CRK: variants seen among roughly 807,000 people sequenced by gnomAD.
CRK encodes the protein adapter molecule crk.
Under a neutral mutation model 29.8 loss-of-function variants are expected in CRK, and 4 were observed. The ratio of observed to expected loss-of-function variants is 0.13; its 90% CI spans 0.07 to 0.31. The LOEUF is 0.31. Ranked by LOEUF, CRK falls within the 10% of genes least tolerant of loss-of-function variation. CRK has a pLI of 1.00. For missense variants in CRK, 274 were observed against 396.5 expected, an observed-to-expected ratio of 0.69 and a Z score of 2.62; for synonymous variants, 153 against 164.9, an observed-to-expected ratio of 0.93 and a Z score of 0.55.
At chr17:1,450,074 T>A (rs1046481542) in intron 1 of CRK, among the ~76,000 whole-genome samples, 1 of 152,142 alleles carries the variant, frequency 6.6e-6, no homozygotes, top group South Asian at 2.1e-4. Context: ...TGGTGGCGCA[T>A]GCCTGTAATC....
intron 2 of CRK, chr17:1,424,731 C>G (rs962669428): frequency 6.6e-6 from 1 of 152,264 alleles, no homozygotes; most frequent in African/African-American, 2.4e-5. Flanking sequence ...CAACCATGGC[C>G]GGGCGCAGTG....
chr17:1,423,169 A>T lies in CRK; in HGVS notation c.*344T>A. ...CAAAACCACTGAATAAATCAGGGTA[A>T]GCAGTGTGTAACACTCCTTCCTGTC... On this transcript the variant is annotated 3_prime_UTR_variant, in exon 3 of 3. Transcript: ENST00000300574. The T allele has an allele frequency of 2.2e-6, 1 of 459,406 alleles. No individual in the cohort carries two copies. The allele number at this position is 459,406 out of a possible 1,614,324, so 28.5% of individuals were successfully genotyped here. A position where few individuals can be genotyped will look rare whatever the true frequency, so the allele number is the denominator to read the frequency against.
chr17:1,423,299 A>G lies in CRK; in HGVS notation c.*214T>C, dbSNP rs1258147912. 8.0e-6 allele frequency: 5 copies of G among 626,096 alleles called. No homozygotes were observed. Among genetic ancestry groups the G allele is most frequent in the African/African-American group, 5.6e-5 (3 of 53,674 alleles). 38.8% of individuals were successfully genotyped at this position (626,096 alleles called of 1,614,324 possible). On this transcript the variant is annotated 3_prime_UTR_variant, in exon 3 of 3. Coordinates refer to ENST00000300574, the MANE Select transcript of CRK (RefSeq NM_016823.4). ...CGACCACTACCGCCTCCAATTGCCA[A>G]TTCAGAAGCTAACACACAAGCCCTC...
At chr17:1,439,348 C>T (rs1051939828) in intron 1 of CRK, among the ~76,000 whole-genome samples, 3 of 152,206 alleles carry the variant, frequency 2.0e-5, no homozygotes, top group Non-Finnish European at 2.9e-5. Flanking sequence ...CCACCCGCCT[C>T]GGCCTCCCAA....
intron 1 of CRK, among the ~76,000 whole-genome samples, chr17:1,437,763 C>T (rs1006793023): frequency 6.6e-6 from 1 of 151,798 alleles, no homozygotes; most frequent in Non-Finnish European, 1.5e-5. Context: ...AAGCGATTCT[C>T]CCGTCTCAGC....
At chr17:1,446,871 G>A (rs963856834) in intron 1 of CRK, among the ~76,000 whole-genome samples, 3 of 152,158 alleles carry the variant, frequency 2.0e-5, no homozygotes, top group African/African-American at 7.2e-5. Flanking sequence ...GGGATTACAG[G>A]CGTGAGCCAC....
Position 1,421,538 on chromosome 17 carries a change from G to A in CRK, c.*1975C>T, listed in dbSNP as rs2073724354. The A allele has an allele frequency of 6.6e-6, 1 of 152,148 alleles. No homozygotes were observed. The highest frequency in any genetic ancestry group is 1.5e-5 in the Non-Finnish European group (1 of 68,040). The allele number at this position is 152,148 out of a possible 1,614,324, so 9.4% of individuals were successfully genotyped here. Reference sequence around the variant, plus strand: ...TACCATTTTACAAGTTGAGTTTAACGTCTTTATCAAGCATGACCTTAGTGT... The same window carrying A: ...TACCATTTTACAAGTTGAGTTTAACATCTTTATCAAGCATGACCTTAGTGT... On this transcript the variant is annotated 3_prime_UTR_variant, in exon 3 of 3. Coordinates refer to ENST00000300574, the MANE Select transcript of CRK (RefSeq NM_016823.4).
chr17:1,423,774 T>C, intron 2 of CRK, 124 bp from the exon 3 acceptor site: 1 of 1,219,616 alleles, frequency 8.2e-7, no homozygotes, highest in Non-Finnish European at 1.1e-6. Context: ...GAAATGGCCA[T>C]TTGCTGCCTC....
At position 1,450,335 on chromosome 17, in the gene CRK, C is replaced by CG. The variant is rs542438577; in HGVS notation, c.241+5541_241+5542insC. On this transcript the variant is annotated intron_variant, in intron 1 of 2. Coordinates refer to ENST00000300574, the MANE Select transcript of CRK (RefSeq NM_016823.4). ...CATCCTGGCTAACACGGTGAAACAC[C>CG]TCTCTACTAAAAATACAAAAAATTA... Among the ~76,000 whole-genome samples, 14 of 151,966 alleles carry CG rather than the reference C, an allele frequency of 9.2e-5. No individual in the cohort carries two copies. The South Asian group carries it at 1.5e-3, about 16-fold the overall frequency.
intron 2 of CRK, among the ~76,000 whole-genome samples, chr17:1,432,240 G>T (rs1037871862): frequency 3.9e-5 from 6 of 152,170 alleles, no homozygotes; most frequent in Admixed American, 3.3e-4. Flanking sequence ...TATAATCCCA[G>T]CACTTTGGGA....
intron 1 of CRK, among the ~76,000 whole-genome samples, chr17:1,437,714 C>T (rs1458830885): frequency 5.9e-5 from 9 of 151,434 alleles, no homozygotes; most frequent in Non-Finnish European, 8.8e-5. Flanking sequence ...AGTGTAGTGG[C>T]GTGATCTCTG....
rs1228292349 is a variant in CRK, at chr17:1,420,965, A to G, written c.*2548T>C. The G allele has an allele frequency of 6.6e-6, 1 of 152,194 alleles. No individual in the cohort carries two copies. The highest frequency in any genetic ancestry group is 1.5e-5 in the Non-Finnish European group (1 of 68,036). The allele number at this position is 152,194 out of a possible 1,614,324, so 9.4% of individuals were successfully genotyped here. A position where few individuals can be genotyped will look rare whatever the true frequency, so the allele number is the denominator to read the frequency against. On this transcript the variant is annotated 3_prime_UTR_variant, in exon 3 of 3. Coordinates refer to ENST00000300574, the MANE Select transcript of CRK (RefSeq NM_016823.4). The stretch of plus-strand genomic sequence containing the variant: ...TATTAACAATAAACAATTCCAACAA[A>G]TTAATAAGAATTAACCATGTCAAAT...
intron 2 of CRK, among the ~76,000 whole-genome samples, chr17:1,427,549 C>T (rs1335274179): frequency 2.6e-5 from 4 of 151,100 alleles, no homozygotes; most frequent in Admixed American, 2.0e-4. Flanking sequence ...GCCGAGATCA[C>T]GCCACTGCAC....
chr17:1,420,849 AT>A lies in CRK; in HGVS notation c.*2663del, dbSNP rs1277487249. The A allele has an allele frequency of 2.0e-5, 3 of 152,144 alleles. No individual in the cohort carries two copies. The highest frequency in any genetic ancestry group is 7.2e-5 in the African/African-American group (3 of 41,448). 9.4% of individuals were successfully genotyped at this position (152,144 alleles called of 1,614,324 possible). On this transcript the variant is annotated 3_prime_UTR_variant, in exon 3 of 3. Transcript: ENST00000300574. ...TTATAATACAATGGCACATGTTTAT[AT>A]TTTATTTCAAATTGGTTTGCTTATC...
intron 2 of CRK, among the ~76,000 whole-genome samples, chr17:1,424,093 C>T (rs1399811991): frequency 1.9e-5 from 2 of 104,952 alleles, no homozygotes; most frequent in Non-Finnish European, 3.7e-5. Flanking sequence ...TTTTTTGAGA[C>T]GGAGTCTCTG....
At position 1,420,773 on chromosome 17, in the gene CRK, C is replaced by T. The variant is rs1217802452; in HGVS notation, c.*2740G>A. 6.6e-6 allele frequency: 1 copy of T among 151,914 alleles called. No homozygotes were observed. The highest frequency in any genetic ancestry group is 1.9e-4 in the East Asian group (1 of 5,188). The allele number at this position is 151,914 out of a possible 1,614,324, so 9.4% of individuals were successfully genotyped here. A position where few individuals can be genotyped will look rare whatever the true frequency, so the allele number is the denominator to read the frequency against. On this transcript the variant is annotated 3_prime_UTR_variant, in exon 3 of 3. Coordinates refer to ENST00000300574, the MANE Select transcript of CRK (RefSeq NM_016823.4). Reference sequence around the variant, plus strand: ...ATACTATAAACATATACAATACATGCTACCAAAAAAAATTTTTTTTTAAAT... The same window carrying T: ...ATACTATAAACATATACAATACATGTTACCAAAAAAAATTTTTTTTTAAAT...
intron 1 of CRK, among the ~76,000 whole-genome samples, chr17:1,453,564 G>A (rs2074034577): frequency 6.6e-6 from 1 of 152,190 alleles, no homozygotes; most frequent in African/African-American, 2.4e-5. Context: ...CAATGAGAAA[G>A]ATCTAGGATA....
At chr17:1,455,220 C>G (rs1220912944) in intron 1 of CRK, among the ~76,000 whole-genome samples, 1 of 152,222 alleles carries the variant, frequency 6.6e-6, no homozygotes, top group African/African-American at 2.4e-5. Context: ...TCGCCTTAAA[C>G]TGGGTTGGGC....
intron 2 of CRK, among the ~76,000 whole-genome samples, chr17:1,424,136 A>G (rs2073754288): frequency 7.4e-6 from 1 of 134,584 alleles, no homozygotes; most frequent in East Asian, 2.1e-4. Flanking sequence ...GCGTGATCTC[A>G]GCTCACTGCA....
Sources: gnomAD v4.1 joint callset for allele counts (sites outside exome capture counted in the v4.1 genomes callset) on GRCh38, gnomAD v4.1.1 for gene constraint, MANE v1.5 for transcripts, NCBI Gene and HGNC (gene_info 2026-07-23, HGNC 2026-07-21) for gene names.